INTS9: variants seen among roughly 807,000 people sequenced by gnomAD.
INTS9 encodes the protein protein related to CPSF subunits of 74 kDa.
In INTS9, 55 loss-of-function variants were observed where a neutral mutation model predicts 79.7. That is an observed-to-expected ratio of 0.69 (90% CI 0.56 to 0.86). The LOEUF (loss-of-function observed/expected upper bound fraction) is 0.86. INTS9 is among the 40% of genes least tolerant of loss of function. INTS9 has a pLI of 0.00. For missense variants in INTS9, 721 were observed against 831.5 expected (o/e 0.87, Z 1.64); for synonymous variants, 319 against 325.2 (o/e 0.98, Z 0.20).
chr8:28,879,561 A>G (rs1297275347), intron 1 of INTS9, among the ~76,000 whole-genome samples: 2 of 152,204 alleles, frequency 1.3e-5, no homozygotes, highest in African/African-American at 4.8e-5. Flanking sequence ...TGGAGGGTCT[A>G]GCTAGTACAA....
At chr8:28,867,875 A>G (rs950449722) in intron 1 of INTS9, among the ~76,000 whole-genome samples, 1 of 152,190 alleles carries the variant, frequency 6.6e-6, no homozygotes, top group Non-Finnish European at 1.5e-5. Context: ...TAACTCTTAT[A>G]ATCCTCCCAA....
Position 28,812,342 on chromosome 8 carries a change from A to G in INTS9, c.729T>C (p.Leu243=). The G allele has an allele frequency of 6.2e-7, 1 of 1,614,098 alleles. No individual in the cohort carries two copies. Among genetic ancestry groups the G allele is most frequent in the South Asian group, 1.1e-5 (1 of 91,074 alleles). The change falls in exon 8 of 17, where the codon CTT becomes CTC. Residue 243 remains leucine, a synonymous_variant. Transcript: ENST00000521022. The part of the protein sequence containing the change: ...KVSYVSGSSL[L]TTHPQPMDQA... Reference sequence around the variant, plus strand: ...TTGGAATTACCTGGGGGTGTGTGGTAAGCAAGGAGGATCCAGAGACATAAG... The same window carrying G: ...TTGGAATTACCTGGGGGTGTGTGGTGAGCAAGGAGGATCCAGAGACATAAG...
At chr8:28,777,313 C>T (rs578013889) in intron 13 of INTS9, among the ~76,000 whole-genome samples, 97 of 152,226 alleles carry the variant, frequency 6.4e-4, no homozygotes, top group African/African-American at 1.6e-3. Context: ...ACAGTGGTTC[C>T]GTGGCCCTGC....
intron 7 of INTS9, among the ~76,000 whole-genome samples, chr8:28,813,255 C>T (rs575136736): frequency 7.9e-5 from 12 of 152,268 alleles, no homozygotes; most frequent in African/African-American, 2.6e-4. Context: ...CAGGATGAGA[C>T]GCCTTTCTCC....
intron 11 of INTS9, among the ~76,000 whole-genome samples, chr8:28,781,677 T>C (rs1803275688): frequency 6.6e-6 from 1 of 152,182 alleles, no homozygotes; most frequent in Admixed American, 6.6e-5. Flanking sequence ...AGGGCGCCAC[T>C]CTGAAAAGCC....
chr8:28,828,871 C>T (rs561273650), intron 6 of INTS9, among the ~76,000 whole-genome samples: 5 of 152,126 alleles, frequency 3.3e-5, no homozygotes, highest in East Asian at 1.9e-4. Context: ...TTAGTAGAGA[C>T]GGGGTTTCAC....
At chr8:28,805,180 G>C (rs1222538308) in intron 8 of INTS9, among the ~76,000 whole-genome samples, 2 of 152,170 alleles carry the variant, frequency 1.3e-5, no homozygotes, top group Non-Finnish European at 2.9e-5. Context: ...AAATATTAAA[G>C]TGAAAATTCT....
chr8:28,883,475 C>T (rs1451570449), intron 1 of INTS9, among the ~76,000 whole-genome samples: 1 of 152,152 alleles, frequency 6.6e-6, no homozygotes, highest in South Asian at 2.1e-4. Context: ...GAAACAGCAT[C>T]ATTGGCAAGG....
At chr8:28,871,246 G>C (rs1809077687) in intron 1 of INTS9, among the ~76,000 whole-genome samples, 1 of 152,152 alleles carries the variant, frequency 6.6e-6, no homozygotes, top group East Asian at 1.9e-4. Flanking sequence ...CTACAGATTA[G>C]GCAGAAGGGA....
chr8:28,876,682 T>G (rs765300183), intron 1 of INTS9, among the ~76,000 whole-genome samples: 5 of 151,382 alleles, frequency 3.3e-5, no homozygotes. Context: ...GAGAAAGAAA[T>G]GAAGTGTAAA....
At chr8:28,881,427 T>G (rs1346246739) in intron 1 of INTS9, among the ~76,000 whole-genome samples, 1 of 70,868 alleles carries the variant, frequency 1.4e-5, no homozygotes, top group Non-Finnish European at 2.8e-5. Context: ...GGGAGGGAGG[T>G]GGGGGGGTCA....
chr8:28,882,474 AGAAAT>A (rs1448869114), intron 1 of INTS9, among the ~76,000 whole-genome samples: 1 of 138,636 alleles, frequency 7.2e-6, no homozygotes, highest in African/African-American at 2.8e-5. Context: ...AAAAAAAAAT[AGAAAT>A]AAAATAAAAT....
rs377643512 is a variant in INTS9, at chr8:28,787,458, A to G, written c.1098+371T>C. On this transcript the variant is annotated intron_variant, in intron 11 of 16. Transcript: ENST00000521022. ...ACAGGCTGAGCATCCCTAATCCAAA[A>G]TGTTCCAGTATCTGAACTTTTTGGG... is the stretch of plus-strand genomic sequence containing the variant. 7.9e-5 allele frequency among the ~76,000 whole-genome samples: 12 copies of G among 152,332 alleles called. No individual in the cohort carries two copies. The East Asian group carries it at 1.7e-3, about 22-fold the overall frequency.
rs762844697 is a variant in INTS9 at position 28,770,973 on chromosome 8, AC to A, written c.1662+8del. On this transcript the variant is annotated splice_region_variant and intron_variant, in intron 15 of 16. Transcript: ENST00000521022. ...AGGGTCCCCTGCACTCCCACCCAGC[AC>A]CCCCTACCTGAAGCAAGTGCTTGTT... The A allele has an allele frequency of 6.6e-5, 106 of 1,610,276 alleles. No individual in the cohort carries two copies. Among genetic ancestry groups the A allele is most frequent in the Non-Finnish European group, 8.3e-5 (98 of 1,178,266 alleles).
At chr8:28,801,268 G>A (rs959592123) in intron 8 of INTS9, among the ~76,000 whole-genome samples, 4 of 152,082 alleles carry the variant, frequency 2.6e-5, no homozygotes, top group African/African-American at 7.2e-5. Context: ...CAGGTGGATC[G>A]CTTGAGCCCA....
intron 13 of INTS9, among the ~76,000 whole-genome samples, chr8:28,777,622 T>C (rs1802966801): frequency 6.6e-6 from 1 of 152,096 alleles, no homozygotes; most frequent in African/African-American, 2.4e-5. Context: ...ATCTGATTTC[T>C]TTAGAATGGA....
chr8:28,854,452 G>A (rs1808033352), intron 2 of INTS9, among the ~76,000 whole-genome samples: 1 of 152,120 alleles, frequency 6.6e-6, no homozygotes, highest in Non-Finnish European at 1.5e-5. Context: ...CAGTGAGGTG[G>A]TAGAGCAGAA....
chr8:28,859,324 G>T, intron 2 of INTS9, 112 bp downstream of exon 2: 1 of 1,221,986 alleles, frequency 8.2e-7, no homozygotes, highest in East Asian at 2.4e-5. Flanking sequence ...CATTTTTAAG[G>T]AAACAAAGCA....
chr8:28,864,165 A>C (rs1365751657), intron 1 of INTS9, among the ~76,000 whole-genome samples: 3 of 152,262 alleles, frequency 2.0e-5, no homozygotes, highest in Non-Finnish European at 4.4e-5. Flanking sequence ...CAACACAGTG[A>C]GACCCTGTCT....
Sources: allele counts gnomAD v4.1 joint callset (sites outside exome capture counted in the v4.1 genomes callset), GRCh38; gene constraint gnomAD v4.1.1; transcripts MANE v1.5; gene names NCBI Gene and HGNC (gene_info 2026-07-23, HGNC 2026-07-21).